Variants in REG4 observed in about 807,000 individuals in gnomAD.
REG4 encodes regenerating family member 4, also known as regenerating islet-derived protein 4.
A neutral mutation model predicts 22.3 loss-of-function variants in REG4; 16 were observed. The observed-to-expected ratio is 0.72, with a 90% confidence interval of 0.49 to 1.09. REG4 has a LOEUF of 1.09. Ranked by LOEUF, REG4 falls within the 50% of genes least tolerant of loss-of-function variation. REG4 has a pLI of 0.00. For missense variants in REG4, 214 were observed against 193.9 expected (o/e 1.10, Z -0.61); for synonymous variants, 71 against 69.2 (o/e 1.03, Z -0.13).
At chr1:119,799,987 C>G in intron 3 of REG4, 125 bp from the exon 4 acceptor site, 4 of 1,243,428 alleles carry the variant, frequency 3.2e-6, no homozygotes, top group Non-Finnish European at 4.5e-6. Flanking sequence ...ACATCGTGCT[C>G]TAAGCCCCAC....
chr1:119,807,244 T>C (rs1301002425), intron 2 of REG4, among the ~76,000 whole-genome samples: 4 of 152,212 alleles, frequency 2.6e-5, no homozygotes, highest in Non-Finnish European at 5.9e-5. Context: ...CTAAGTCCCC[T>C]CTATTTCTCT....
At chr1:119,805,065 A>C (rs1419894086) in intron 2 of REG4, among the ~76,000 whole-genome samples, 3 of 152,210 alleles carry the variant, frequency 2.0e-5, no homozygotes, top group African/African-American at 7.2e-5. Flanking sequence ...TATGATTTAA[A>C]AATCTATGTT....
rs1653856746 is a variant in REG4, at chr1:119,794,173, G to A, written c.*445C>T. On this transcript the variant is annotated 3_prime_UTR_variant, in exon 6 of 6. Transcript: ENST00000256585. ...CTGGTAAACCTTCCCATGGCCAAAG[G>A]AAAAACAAGCAGGAGTTGAGTGGCT... is the stretch of plus-strand genomic sequence containing the variant. 1 of 535,030 alleles carries A rather than the reference G, an allele frequency of 1.9e-6. No individual in the cohort carries two copies. The highest frequency in any genetic ancestry group is 3.8e-6 in the Non-Finnish European group (1 of 261,156). The allele number at this position is 535,030 out of a possible 1,614,324, so 33.1% of individuals were successfully genotyped here. A position where few individuals can be genotyped will look rare whatever the true frequency, so the allele number is the denominator to read the frequency against.
intron 3 of REG4, 59 bp downstream of exon 3, chr1:119,803,009 G>A: frequency 6.2e-7 from 1 of 1,607,506 alleles, no homozygotes; most frequent in Non-Finnish European, 8.5e-7. Context: ...TGAGATCTGG[G>A]GCTCTGGCTG....
intron 1 of REG4, among the ~76,000 whole-genome samples, chr1:119,809,907 A>G (rs1015922462): frequency 2.0e-5 from 3 of 152,144 alleles, no homozygotes; most frequent in African/African-American, 7.2e-5. Context: ...AATATTTTAT[A>G]ATTACTAATG....
chr1:119,802,354 G>A (rs1453168197), intron 3 of REG4: 13 of 985,986 alleles, frequency 1.3e-5, no homozygotes, highest in Non-Finnish European at 1.6e-5. Context: ...CATGTGGTAG[G>A]TGCTTCGTTC....
At chr1:119,803,203 C>G (rs190783925) in intron 2 of REG4, 38 bp from the exon 3 acceptor site, 151 of 1,490,844 alleles carry the variant, frequency 1.0e-4, no homozygotes, top group Non-Finnish European at 1.3e-4. Flanking sequence ...ATTATGATAG[C>G]AAAAACAATC....
intron 5 of REG4, among the ~76,000 whole-genome samples, chr1:119,796,719 G>A (rs762366409): frequency 2.0e-5 from 3 of 152,112 alleles, no homozygotes; most frequent in Non-Finnish European, 4.4e-5. Context: ...TGACAGCCAC[G>A]AGCTGGGTAA....
chr1:119,794,024 T>C lies in REG4; in HGVS notation c.*594A>G, dbSNP rs1353993826. ...AAGGAGACGAAGAAGCACTTGGGTG[T>C]ATTTCTTGGTCTTATTTCACTTTTC... On this transcript the variant is annotated 3_prime_UTR_variant, in exon 6 of 6. Coordinates refer to ENST00000256585, the MANE Select transcript of REG4 (RefSeq NM_032044.4). 3 of 486,822 alleles carry C rather than the reference T, an allele frequency of 6.2e-6. No homozygotes were observed. Among genetic ancestry groups the C allele is most frequent in the South Asian group, 4.8e-5 (3 of 62,444 alleles). 30.2% of individuals were successfully genotyped at this position (486,822 alleles called of 1,614,324 possible). A position where few individuals can be genotyped will look rare whatever the true frequency, so the allele number is the denominator to read the frequency against.
Position 119,808,824 on chromosome 1 carries a change from C to A in REG4, c.-55G>T. Reference sequence around the variant, plus strand: ...GCAAGGATCTCAGAGACCTTACTAGCGCTTCTTTGAAACTCCTGGGTTCTC... The same window carrying A: ...GCAAGGATCTCAGAGACCTTACTAGAGCTTCTTTGAAACTCCTGGGTTCTC... On this transcript the variant is annotated 5_prime_UTR_variant, in exon 2 of 6. Coordinates refer to ENST00000256585, the MANE Select transcript of REG4 (RefSeq NM_032044.4). 1.5e-6 allele frequency: 2 copies of A among 1,347,142 alleles called. No homozygotes were observed. The highest frequency in any genetic ancestry group is 1.2e-5 in the South Asian group (1 of 82,026). 83.4% of individuals were successfully genotyped at this position (1,347,142 alleles called of 1,614,324 possible). A position where few individuals can be genotyped will look rare whatever the true frequency, so the allele number is the denominator to read the frequency against.
At chr1:119,804,554 T>G (rs998318902) in intron 2 of REG4, among the ~76,000 whole-genome samples, 1 of 152,246 alleles carries the variant, frequency 6.6e-6, no homozygotes, top group Admixed American at 6.5e-5. Context: ...TCAAATATAC[T>G]ACAAACAAAC....
chr1:119,798,722 ATGCT>A, intron 4 of REG4, 120 bp from the exon 5 acceptor site: 1 of 657,224 alleles, frequency 1.5e-6, no homozygotes, highest in Admixed American at 2.5e-5. Context: ...AAGTACAGAA[ATGCT>A]TAAAGAAGGA....
intron 2 of REG4, among the ~76,000 whole-genome samples, chr1:119,805,641 G>GCTCT (rs1033052425): frequency 6.6e-6 from 1 of 151,924 alleles, no homozygotes; most frequent in African/African-American, 2.4e-5. Flanking sequence ...TCTGAGTGCT[G>GCTCT]CTCTCTGTCT....
At chr1:119,807,189 G>A (rs1370369601) in intron 2 of REG4, among the ~76,000 whole-genome samples, 1 of 152,178 alleles carries the variant, frequency 6.6e-6, no homozygotes. Context: ...AGCAATAAGA[G>A]TTTAATATTC....
intron 3 of REG4, chr1:119,801,666 C>G (rs1369165612): frequency 1.3e-5 from 2 of 152,306 alleles, no homozygotes; most frequent in Non-Finnish European, 2.9e-5. Context: ...CCAGGGGTCT[C>G]AAGAGCCAGC....
Position 119,794,442 on chromosome 1 carries a change from C to T in REG4, c.*176G>A. ...GGCAAACATTTAGAGCTAGAAGCCA[C>T]TACTGGGCCAATGCTAAAGTTTCTG... On this transcript the variant is annotated 3_prime_UTR_variant, in exon 6 of 6. Coordinates refer to ENST00000256585, the MANE Select transcript of REG4 (RefSeq NM_032044.4). 1.5e-6 allele frequency: 1 copy of T among 679,068 alleles called. No homozygotes were observed. The highest frequency in any genetic ancestry group is 1.7e-5 in the South Asian group (1 of 57,494). 42.1% of individuals were successfully genotyped at this position (679,068 alleles called of 1,614,324 possible). A position where few individuals can be genotyped will look rare whatever the true frequency, so the allele number is the denominator to read the frequency against.
At chr1:119,800,476 A>G (rs1654066895) in intron 3 of REG4, among the ~76,000 whole-genome samples, 1 of 152,150 alleles carries the variant, frequency 6.6e-6, no homozygotes, top group Non-Finnish European at 1.5e-5. Flanking sequence ...GGCACCTCAC[A>G]TTCGGTCCTA....
chr1:119,795,996 T>C (rs1402623042), intron 5 of REG4, among the ~76,000 whole-genome samples: 2 of 152,164 alleles, frequency 1.3e-5, no homozygotes, highest in East Asian at 3.9e-4. Flanking sequence ...AGAGGTCTGC[T>C]TTTCCCACCT....
intron 2 of REG4, among the ~76,000 whole-genome samples, chr1:119,806,086 T>C (rs914860659): frequency 6.6e-6 from 1 of 152,158 alleles, no homozygotes; most frequent in Non-Finnish European, 1.5e-5. Context: ...CGAGCACCAC[T>C]GTACCAGGCT....
Sources: allele counts gnomAD v4.1 joint callset (sites outside exome capture counted in the v4.1 genomes callset), GRCh38; gene constraint gnomAD v4.1.1; transcripts MANE v1.5; gene names NCBI Gene and HGNC (gene_info 2026-07-23, HGNC 2026-07-21).